VPS39: variants seen among roughly 807,000 people sequenced by gnomAD.
VPS39 encodes vam6/Vps39-like protein.
A neutral mutation model predicts 121.0 loss-of-function variants in VPS39; 70 were observed. That is an observed-to-expected ratio of 0.58 (90% CI 0.48 to 0.71). The LOEUF (loss-of-function observed/expected upper bound fraction) is 0.71. VPS39 is among the 30% of genes least tolerant of loss of function. The pLI, the probability that VPS39 is intolerant of heterozygous loss-of-function variation, is 0.00. For synonymous variants in VPS39, 378 were observed against 398.1 expected (o/e 0.95, Z 0.60); for missense variants, 818 against 1,051.5 (o/e 0.78, Z 3.07).
At chr15:42,191,228 C>T in intron 3 of VPS39, 61 bp from the exon 4 acceptor site, 1 of 1,581,450 alleles carries the variant, frequency 6.3e-7, no homozygotes. Flanking sequence ...AGCAAATGTT[C>T]ATTCAATAAC....
intron 2 of VPS39, 136 bp downstream of exon 2, chr15:42,199,760 G>A (rs2050025981): frequency 2.2e-5 from 20 of 895,546 alleles, no homozygotes; most frequent in Non-Finnish European, 1.6e-6. Context: ...GCATTCTCAA[G>A]TCTTCTCCCC....
intron 1 of VPS39, among the ~76,000 whole-genome samples, chr15:42,204,523 G>A (rs2050130906): frequency 6.6e-6 from 1 of 152,244 alleles, no homozygotes; most frequent in Non-Finnish European, 1.5e-5. Context: ...GGTGGTGGGT[G>A]GCAGTAATCC....
At chr15:42,163,442 T>C in intron 20 of VPS39, 47 bp from the exon 21 acceptor site, 1 of 1,610,434 alleles carries the variant, frequency 6.2e-7, no homozygotes, top group Non-Finnish European at 8.5e-7. Context: ...GGGGGGCACA[T>C]CTAAATGAGA....
chr15:42,193,380 T>C (rs543442887), intron 2 of VPS39, among the ~76,000 whole-genome samples: 13 of 152,206 alleles, frequency 8.5e-5, no homozygotes, highest in Non-Finnish European at 1.8e-4. Flanking sequence ...ATAGATAACA[T>C]AGTTGAAAAG....
chr15:42,191,310 C>T (rs2049823532), intron 3 of VPS39, 143 bp from the exon 4 acceptor site: 1 of 1,140,584 alleles, frequency 8.8e-7, no homozygotes, highest in African/African-American at 1.6e-5. Flanking sequence ...ACTATAATTT[C>T]TGTGATTATC....
intron 10 of VPS39, among the ~76,000 whole-genome samples, chr15:42,174,632 A>G (rs1385263705): frequency 6.6e-6 from 1 of 152,186 alleles, no homozygotes; most frequent in East Asian, 1.9e-4. Context: ...ATCCAGTCTG[A>G]GTCCGGGGTC....
At chr15:42,187,877 C>T in intron 5 of VPS39, 21 bp from the exon 6 acceptor site, 1 of 1,604,168 alleles carries the variant, frequency 6.2e-7, no homozygotes, top group Non-Finnish European at 8.5e-7. Flanking sequence ...ACATGCAGAG[C>T]AAATGAAAAT....
intron 19 of VPS39, among the ~76,000 whole-genome samples, chr15:42,164,153 A>G (rs1467327883): frequency 6.6e-6 from 1 of 152,252 alleles, no homozygotes; most frequent in African/African-American, 2.4e-5. Context: ...ATCAATTAGC[A>G]TGTGGTTCAT....
intron 5 of VPS39, among the ~76,000 whole-genome samples, chr15:42,188,913 C>A (rs1232925715): frequency 6.6e-6 from 1 of 151,564 alleles, no homozygotes; most frequent in Non-Finnish European, 1.5e-5. Context: ...TTGCAGTGAG[C>A]CGAGATCGTG....
At position 42,166,201 on chromosome 15, in the gene VPS39, G is replaced by A. The variant is rs371061111; in HGVS notation, c.1638C>T (p.Tyr546=). 8 of 1,614,128 alleles carry A rather than the reference G, an allele frequency of 5.0e-6. No individual in the cohort carries two copies. The highest frequency in any genetic ancestry group is 2.2e-5 in the East Asian group (1 of 44,906). ...GTENLHLIFS[Y]SVWVLRDFPE... ...GGAAGTCTCTCAGCACCCACACTGA[G>A]TAGGAGAAAATCAAATGCAGGTTTT... The change falls in exon 16 of 25, where the codon TAC becomes TAT. Residue 546 remains tyrosine, a synonymous_variant. Coordinates refer to ENST00000318006, the MANE Select transcript of VPS39 (RefSeq NM_015289.5).
In VPS39 at chr15:42,199,954, C is replaced by T; in HGVS notation, c.81G>A (p.Trp27Ter). Residue 27 changes from tryptophan (W) to a stop codon, truncating the protein, a stop_gained, in exon 2 of 25, where the codon TGG becomes TGA. Transcript: ENST00000318006. LOFTEE classifies it high-confidence loss of function. ...QIDCLAAWEE[W>*]LLVGTKQGHL... is the part of the protein sequence containing the mutation. ...GTCCTTGTTTGGTTCCCACAAGAAG[C>T]CATTCCTCTGGAAAAACAAAACAAA... 1.3e-6 allele frequency: 2 copies of T among 1,579,564 alleles called. No homozygotes were observed. Among genetic ancestry groups the T allele is most frequent in the South Asian group, 2.4e-5 (2 of 84,160 alleles).
chr15:42,188,987 A>T (rs548001584), intron 5 of VPS39, 127 bp downstream of exon 5: 88 of 675,412 alleles, frequency 1.3e-4, no homozygotes, highest in South Asian at 9.4e-4. Flanking sequence ...AAATAAATAA[A>T]TAATCTTTGG....
At position 42,189,166 on chromosome 15, in the gene VPS39, A is replaced by C; in HGVS notation, c.290T>G (p.Ile97Ser). The C allele has an allele frequency of 6.2e-7, 1 of 1,613,874 alleles. No individual in the cohort carries two copies. Among genetic ancestry groups the C allele is most frequent in the Non-Finnish European group, 8.5e-7 (1 of 1,179,868 alleles). ...YVHDLLTFQQITTVSKAKGAS... is the reference protein window; with the variant it reads ...YVHDLLTFQQSTTVSKAKGAS... ...TCCCTTTGCCTTTGAAACCGTAGTG[A>C]TTTGTTGAAATGTCAATAGGTCATG... The change falls in exon 5 of 25, where the codon ATC (isoleucine) becomes AGC (serine). Residue 97 changes from isoleucine to serine, a missense_variant. Physicochemically the swap from Ile to Ser is moderately radical, Grantham distance 142. Transcript: ENST00000318006.
chr15:42,201,333 G>A (rs575236772), intron 1 of VPS39, among the ~76,000 whole-genome samples: 5 of 152,090 alleles, frequency 3.3e-5, no homozygotes, highest in African/African-American at 9.6e-5. Flanking sequence ...GCACCACCAC[G>A]TTCAGCTATT....
At chr15:42,204,881 C>T (rs564615242) in intron 1 of VPS39, among the ~76,000 whole-genome samples, 34 of 152,128 alleles carry the variant, frequency 2.2e-4, no homozygotes, top group Middle Eastern at 3.4e-3. Flanking sequence ...TATAGACATA[C>T]AGATACTCAT....
intron 24 of VPS39, 151 bp from the exon 25 acceptor site, chr15:42,160,980 C>A: frequency 1.5e-6 from 1 of 688,222 alleles, no homozygotes; most frequent in Non-Finnish European, 2.6e-6. Flanking sequence ...CTGAGGGGCT[C>A]TGGATTTCTG....
chr15:42,200,025 A>G, intron 1 of VPS39, 64 bp from the exon 2 acceptor site: 1 of 1,486,130 alleles, frequency 6.7e-7, no homozygotes, highest in Non-Finnish European at 8.9e-7. Context: ...AAGGTCAATC[A>G]GCTTGAGTAT....
Position 42,196,371 on chromosome 15 carries a change from A to G in VPS39, c.139+3525T>C, listed in dbSNP as rs1354273971. ...CTGCACAGCAAAAGAAACTACCATC[A>G]GAGTGAACAGGCAACCTACAGAATG... On this transcript the variant is annotated intron_variant, in intron 2 of 24. Transcript: ENST00000318006. Among the ~76,000 whole-genome samples, 7 of 152,326 alleles carry G rather than the reference A, an allele frequency of 4.6e-5. No homozygotes were observed. In the East Asian group the frequency reaches 1.3e-3, roughly 29 times the overall value.
chr15:42,187,895 C>T (rs765145357), intron 5 of VPS39, 39 bp from the exon 6 acceptor site: 7 of 1,559,078 alleles, frequency 4.5e-6, no homozygotes, highest in Non-Finnish European at 6.2e-6. Context: ...AATACAATGA[C>T]TCTCTCTAAC....
Sources: allele counts gnomAD v4.1 joint callset (sites outside exome capture counted in the v4.1 genomes callset), GRCh38; gene constraint gnomAD v4.1.1; transcripts MANE v1.5; gene names NCBI Gene and HGNC (gene_info 2026-07-23, HGNC 2026-07-21).